Variants in SMS observed in about 807,000 individuals in gnomAD.
SMS encodes spermidine aminopropyltransferase.
In SMS, 3 loss-of-function variants were observed where a neutral mutation model predicts 33.0. The ratio of observed to expected loss-of-function variants is 0.09; its 90% CI spans 0.04 to 0.23. The LOEUF (loss-of-function observed/expected upper bound fraction) is 0.23, where lower values mean the gene tolerates loss of function less well. Among genes scored for constraint, SMS ranks in the 10% least tolerant of loss-of-function variants. SMS has a pLI of 1.00. For synonymous variants in SMS, 103 were observed against 112.2 expected (o/e 0.92, Z 0.52); for missense variants, 117 against 288.6 (o/e 0.41, Z 4.31).
intron 1 of SMS, among the ~76,000 whole-genome samples, chrX:21,955,393 C>G (rs1922906522): frequency 8.9e-6 from 1 of 112,135 alleles, no homozygotes; most frequent in African/African-American, 3.2e-5. Context: ...CAGCCTGCCC[C>G]TCTGTGATGA....
chrX:21,961,277 G>C (rs866308735), intron 1 of SMS, among the ~76,000 whole-genome samples: 6 of 110,198 alleles, frequency 5.4e-5, no homozygotes, highest in South Asian at 4.0e-4. Flanking sequence ...AGTTAGGTCT[G>C]TAAGTGAAAA....
At chrX:21,944,544 A>AAAAAAAAAAAAAAAAAAAAAAG (rs1555992699) in intron 1 of SMS, among the ~76,000 whole-genome samples, 18 of 99,048 alleles carry the variant, frequency 1.8e-4, no homozygotes, top group Admixed American at 1.2e-3. Context: ...AAAAAAAAAA[A>AAAAAAAAAAAAAAAAAAAAAAG]AGAAAAAAAA....
At chrX:21,955,389 G>GCCC (rs1922906005) in intron 1 of SMS, among the ~76,000 whole-genome samples, 1 of 112,140 alleles carries the variant, frequency 8.9e-6, no homozygotes, top group South Asian at 3.7e-4. Context: ...GTTTCAGCCT[G>GCCC]CCCCTCTGTG....
intron 9 of SMS, among the ~76,000 whole-genome samples, chrX:21,988,696 G>C (rs1384277407): frequency 4.2e-5 from 4 of 94,182 alleles, no homozygotes; most frequent in Non-Finnish European, 8.6e-5. Flanking sequence ...AAAAAAAGGA[G>C]TCAGGTTAAG....
chrX:21,970,159 T>G (rs1924030069), intron 2 of SMS, among the ~76,000 whole-genome samples: 2 of 112,289 alleles, frequency 1.8e-5, no homozygotes, highest in Admixed American at 1.9e-4. Context: ...CTCTCTCACT[T>G]GGTCAACTGG....
Position 21,951,736 on chromosome X carries a change from CT to C in SMS, c.49+10876del, listed in dbSNP as rs200014831. On this transcript the variant is annotated intron_variant, in intron 1 of 10. Coordinates refer to ENST00000404933, the MANE Select transcript of SMS (RefSeq NM_004595.5). The stretch of plus-strand genomic sequence containing the variant: ...TGCTTGTTTTTGTCAGGTTTAGGGG[CT>C]TTTTTTTTTTTTAAGCATTTTGTGA... 4.9e-3 allele frequency among the ~76,000 whole-genome samples: 447 copies of C among 91,497 alleles called. 1 individual carries two copies. The highest frequency in any genetic ancestry group is 0.013 in the African/African-American group (323 of 25,342). 79.5% of individuals were successfully genotyped at this position (91,497 alleles called of 115,157 possible).
At chrX:21,942,878 C>A (rs1483473980) in intron 1 of SMS, among the ~76,000 whole-genome samples, 1 of 99,040 alleles carries the variant, frequency 1.0e-5, no homozygotes, top group African/African-American at 3.9e-5. Flanking sequence ...CTCACTCTGT[C>A]GCCCAGGTTG....
At chrX:21,988,661 TCAAAAAAAA>T (rs1328364972) in intron 9 of SMS, among the ~76,000 whole-genome samples, 3 of 14,958 alleles carry the variant, frequency 2.0e-4, no homozygotes, top group South Asian at 9.1e-3. Context: ...AGACTCTGTC[TCAAAAAAAA>T]AAAAAAAAAA....
chrX:21,951,032 C>G (rs1922571834), intron 1 of SMS, among the ~76,000 whole-genome samples: 1 of 112,341 alleles, frequency 8.9e-6, no homozygotes, highest in African/African-American at 3.2e-5. Flanking sequence ...CTGTCTTCCA[C>G]AATAGTTGAA....
At chrX:21,946,714 G>A (rs184387225) in intron 1 of SMS, among the ~76,000 whole-genome samples, 43 of 111,637 alleles carry the variant, frequency 3.9e-4, no homozygotes, top group African/African-American at 1.3e-3. Context: ...CATCTAGTAC[G>A]TCCTGCAGCG....
intron 7 of SMS, among the ~76,000 whole-genome samples, chrX:21,982,336 C>CAAAA (rs11430711): frequency 2.2e-5 from 1 of 46,096 alleles, no homozygotes; most frequent in Non-Finnish European, 4.2e-5. Flanking sequence ...AGACTTGTCT[C>CAAAA]AAAAAAAAAA....
At chrX:21,954,599 G>A (rs1004812556) in intron 1 of SMS, among the ~76,000 whole-genome samples, 12 of 111,754 alleles carry the variant, frequency 1.1e-4, no homozygotes, top group Admixed American at 9.4e-4. Flanking sequence ...CCTCCTAGGT[G>A]CTGAGTAATC....
chrX:21,983,609 T>C (rs562154644), intron 7 of SMS, among the ~76,000 whole-genome samples: 2 of 111,757 alleles, frequency 1.8e-5, no homozygotes, highest in South Asian at 7.4e-4. Flanking sequence ...GGAGCTGTTA[T>C]ATATAGCTTT....
chrX:21,994,611 A>G lies in SMS; in HGVS notation c.*260A>G. On this transcript the variant is annotated 3_prime_UTR_variant, in exon 11 of 11. Coordinates refer to ENST00000404933, the MANE Select transcript of SMS (RefSeq NM_004595.5). ...AAATGCACTGACCCCCCCCATTAGAATGTGATTTTTGTTCCTTTTTATTTC... is the reference window on the plus strand; with the variant it reads ...AAATGCACTGACCCCCCCCATTAGAGTGTGATTTTTGTTCCTTTTTATTTC... 1.1e-6 allele frequency: 1 copy of G among 904,967 alleles called. No individual in the cohort carries two copies. The highest frequency in any genetic ancestry group is 5.3e-5 in the South Asian group (1 of 18,942). The allele number at this position is 904,967 out of a possible 1,213,427, so 74.6% of individuals were successfully genotyped here. A position where few individuals can be genotyped will look rare whatever the true frequency, so the allele number is the denominator to read the frequency against.
chrX:21,952,413 G>GTT (rs1569342226), intron 1 of SMS, among the ~76,000 whole-genome samples: 1 of 77,379 alleles, frequency 1.3e-5, no homozygotes, highest in Non-Finnish European at 2.4e-5. Flanking sequence ...CACGTTGTTT[G>GTT]TTTGTTTGTT....
intron 1 of SMS, among the ~76,000 whole-genome samples, chrX:21,965,506 C>T (rs982114233): frequency 3.0e-5 from 3 of 101,012 alleles, no homozygotes; most frequent in Non-Finnish European, 3.9e-5. Context: ...GGACATGGGC[C>T]GGGCGCGGCG....
Position 21,940,776 on chromosome X carries a change from A to C in SMS, c.-49A>C, listed in dbSNP as rs1921692695. On this transcript the variant is annotated 5_prime_UTR_variant, in exon 1 of 11. Transcript: ENST00000404933. ...AGCCTGACACGCCGCGCGGCCCCCCAGTCTCCCGCGGCTGCTCCCCCAGGC... is the reference window on the plus strand; with the variant it reads ...AGCCTGACACGCCGCGCGGCCCCCCCGTCTCCCGCGGCTGCTCCCCCAGGC... 9.9e-7 allele frequency: 1 copy of C among 1,013,672 alleles called. No individual in the cohort carries two copies. The highest frequency in any genetic ancestry group is 3.9e-5 in the East Asian group (1 of 25,478). The allele number at this position is 1,013,672 out of a possible 1,213,427, so 83.5% of individuals were successfully genotyped here. A position where few individuals can be genotyped will look rare whatever the true frequency, so the allele number is the denominator to read the frequency against.
chrX:21,944,109 A>G (rs1243126669), intron 1 of SMS, among the ~76,000 whole-genome samples: 2 of 111,466 alleles, frequency 1.8e-5, no homozygotes, highest in Admixed American at 1.9e-4. Context: ...CAGACCACCA[A>G]GAGCAACTGT....
intron 1 of SMS, among the ~76,000 whole-genome samples, chrX:21,952,566 G>T (rs1757242585): frequency 9.1e-6 from 1 of 109,816 alleles, no homozygotes; most frequent in Non-Finnish European, 1.9e-5. Context: ...GAGGGATATT[G>T]GTCCATAGAT....
Sources: allele counts gnomAD v4.1 joint callset (sites outside exome capture counted in the v4.1 genomes callset), GRCh38; gene constraint gnomAD v4.1.1; transcripts MANE v1.5; gene names NCBI Gene and HGNC (gene_info 2026-07-23, HGNC 2026-07-21).